The following SYT14 variants were observed in gnomAD, a reference collection of about 807,000 sequenced individuals.
SYT14 encodes the protein synaptotagmin 14.
SYT14 carries 32 observed loss-of-function variants against 74.2 expected under a neutral mutation model. That is an observed-to-expected ratio of 0.43 (90% CI 0.33 to 0.58). The LOEUF is 0.58. SYT14 is among the 20% of genes least tolerant of loss of function. The probability of loss-of-function intolerance (pLI) is 0.05; values close to 1 mark genes in which losing one functional copy is unlikely to be tolerated. For missense variants in SYT14, 791 were observed against 981.8 expected (o/e 0.81, Z 2.60); for synonymous variants, 298 against 337.7 (o/e 0.88, Z 1.29).
chr1:209,995,274 C>T (rs528044811), intron 2 of SYT14, among the ~76,000 whole-genome samples: 21 of 151,990 alleles, frequency 1.4e-4, no homozygotes, highest in South Asian at 8.3e-4. Flanking sequence ...CACCTGTAGG[C>T]GCAAAGGAAA....
intron 7 of SYT14, among the ~76,000 whole-genome samples, chr1:210,124,527 CA>C (rs2102620086): frequency 6.6e-6 from 1 of 152,030 alleles, no homozygotes; most frequent in South Asian, 2.1e-4. Flanking sequence ...TTTAGAACAC[CA>C]GGGGTAAAAG....
intron 5 of SYT14, among the ~76,000 whole-genome samples, chr1:210,034,716 G>A (rs1294736757): frequency 6.6e-6 from 1 of 151,670 alleles, no homozygotes; most frequent in East Asian, 1.9e-4. Context: ...TTAAAAGTGG[G>A]ATCATGCAGT....
chr1:210,132,074 G>A (rs773338038), intron 7 of SYT14, among the ~76,000 whole-genome samples: 12 of 152,012 alleles, frequency 7.9e-5, no homozygotes, highest in Non-Finnish European at 1.2e-4. Flanking sequence ...CCTCTGAATG[G>A]GTGCCCTTCT....
intron 7 of SYT14, among the ~76,000 whole-genome samples, chr1:210,114,069 A>G (rs2082312588): frequency 6.6e-6 from 1 of 151,462 alleles, no homozygotes; most frequent in African/African-American, 2.5e-5. Context: ...GGGCAGTGTC[A>G]GTCTTCAGCC....
intron 5 of SYT14, among the ~76,000 whole-genome samples, chr1:210,028,259 A>G (rs1449637913): frequency 6.6e-6 from 1 of 152,144 alleles, no homozygotes; most frequent in East Asian, 1.9e-4. Flanking sequence ...TTTTTCTTCA[A>G]TTTTAAAATT....
chr1:210,023,334 A>T (rs1456252927), intron 5 of SYT14, among the ~76,000 whole-genome samples: 1 of 152,070 alleles, frequency 6.6e-6, no homozygotes, highest in Non-Finnish European at 1.5e-5. Context: ...AGAAATATAG[A>T]GGAAATTAAA....
intron 5 of SYT14, among the ~76,000 whole-genome samples, chr1:210,067,329 A>G (rs2081314597): frequency 6.6e-6 from 1 of 152,054 alleles, no homozygotes; most frequent in South Asian, 2.1e-4. Context: ...CAATTTTTAC[A>G]AAGAATTCGT....
At chr1:210,126,766 C>T (rs2082578594) in intron 7 of SYT14, among the ~76,000 whole-genome samples, 1 of 152,176 alleles carries the variant, frequency 6.6e-6, no homozygotes, top group South Asian at 2.1e-4. Context: ...GTGCTGAATT[C>T]TCTCTTTGTG....
At chr1:210,066,823 T>G (rs780981887) in intron 5 of SYT14, among the ~76,000 whole-genome samples, 1 of 152,112 alleles carries the variant, frequency 6.6e-6, no homozygotes, top group Non-Finnish European at 1.5e-5. Flanking sequence ...AAGTGTTTGA[T>G]GAATTTCAAT....
intron 5 of SYT14, among the ~76,000 whole-genome samples, chr1:210,028,901 C>T (rs550054997): frequency 5.9e-5 from 9 of 152,256 alleles, no homozygotes; most frequent in East Asian, 3.9e-4. Flanking sequence ...AGTGTACAAG[C>T]GTTCCAATTT....
intron 2 of SYT14, among the ~76,000 whole-genome samples, chr1:209,964,995 A>G (rs1392944603): frequency 1.3e-5 from 2 of 152,196 alleles, no homozygotes; most frequent in African/African-American, 4.8e-5. Flanking sequence ...TTCTAAGGAT[A>G]GCAGTCTCAG....
At chr1:210,154,807 T>C (rs902764586) in intron 7 of SYT14, among the ~76,000 whole-genome samples, 5 of 152,234 alleles carry the variant, frequency 3.3e-5, no homozygotes, top group African/African-American at 1.2e-4. Flanking sequence ...TTTGAAATTA[T>C]TATTTGCTTT....
chr1:209,975,418 C>G (rs894647349), intron 2 of SYT14, among the ~76,000 whole-genome samples: 5 of 152,028 alleles, frequency 3.3e-5, no homozygotes, highest in African/African-American at 7.2e-5. Flanking sequence ...TAGCATGAAG[C>G]TTTGTTGAAT....
chr1:209,998,486 A>G (rs1440194502), intron 2 of SYT14, among the ~76,000 whole-genome samples: 1 of 152,100 alleles, frequency 6.6e-6, no homozygotes, highest in Non-Finnish European at 1.5e-5. Flanking sequence ...AAATACCCCA[A>G]ATAGTCAAAA....
exon 10 of SYT14, chr1:210,166,579 G>A (rs1479089834): frequency 6.6e-6 from 1 of 152,014 alleles, no homozygotes; most frequent in Non-Finnish European, 1.5e-5. Flanking sequence ...GAGGAAGAAA[G>A]GAGGGAGAGA....
intron 1 of SYT14, among the ~76,000 whole-genome samples, chr1:209,945,350 CTG>C (rs1236663863): frequency 6.6e-6 from 1 of 152,118 alleles, no homozygotes; most frequent in Non-Finnish European, 1.5e-5. Context: ...TTATGTAACA[CTG>C]TGTTTTAAAT....
chr1:209,974,636 C>T (rs2079322527), intron 2 of SYT14, among the ~76,000 whole-genome samples: 1 of 151,930 alleles, frequency 6.6e-6, no homozygotes, highest in Non-Finnish European at 1.5e-5. Flanking sequence ...AGTTTGAAGT[C>T]AGGTAGCGTG....
chr1:210,111,819 A>G (rs962652970), intron 7 of SYT14, among the ~76,000 whole-genome samples: 4 of 151,406 alleles, frequency 2.6e-5, no homozygotes, highest in African/African-American at 9.8e-5. Context: ...AGAGTGCCTA[A>G]GGGGGTTCAG....
At chr1:210,135,310 G>T (rs1301009178) in intron 7 of SYT14, among the ~76,000 whole-genome samples, 1 of 152,028 alleles carries the variant, frequency 6.6e-6, no homozygotes, top group African/African-American at 2.4e-5. Flanking sequence ...TCTGTGGTTT[G>T]ATTTTAGACC....
Sources: gnomAD v4.1 joint callset for allele counts (sites outside exome capture counted in the v4.1 genomes callset) on GRCh38, gnomAD v4.1.1 for gene constraint, MANE v1.5 for transcripts, NCBI Gene and HGNC (gene_info 2026-07-23, HGNC 2026-07-21) for gene names.